Variants in EPHB1 observed in about 807,000 individuals in gnomAD.
EPHB1 encodes ephrin type-B receptor 1.
Under a neutral mutation model 94.4 loss-of-function variants are expected in EPHB1, and 30 were observed. That is an observed-to-expected ratio of 0.32 (90% CI 0.24 to 0.43). The LOEUF is 0.43. EPHB1 is among the 20% of genes least tolerant of loss of function. The probability of loss-of-function intolerance (pLI) is 1.00; values close to 1 mark genes in which losing one functional copy is unlikely to be tolerated. For missense variants in EPHB1, 1,055 were observed against 1,308.3 expected, an observed-to-expected ratio of 0.81 and a Z score of 2.99; for synonymous variants, 522 against 489.1, an observed-to-expected ratio of 1.07 and a Z score of -0.89.
At chr3:135,124,344 T>C (rs1392666809) in intron 4 of EPHB1, among the ~76,000 whole-genome samples, 1 of 151,776 alleles carries the variant, frequency 6.6e-6, no homozygotes, top group South Asian at 2.1e-4. Context: ...CAGAGCCCTA[T>C]GACTGCTGAT....
intron 1 of EPHB1, among the ~76,000 whole-genome samples, chr3:134,833,465 T>G (rs1474880181): frequency 6.6e-6 from 1 of 152,234 alleles, no homozygotes; most frequent in Non-Finnish European, 1.5e-5. Context: ...TATGGCGTGA[T>G]TGGTTCAGGA....
intron 3 of EPHB1, among the ~76,000 whole-genome samples, chr3:135,032,009 C>T (rs940321273): frequency 3.3e-5 from 5 of 151,960 alleles, no homozygotes; most frequent in South Asian, 2.1e-4. Context: ...TGATTTTCTT[C>T]GTTGGAAGCA....
chr3:134,921,219 G>A (rs988797501), intron 1 of EPHB1, among the ~76,000 whole-genome samples: 1 of 152,032 alleles, frequency 6.6e-6, no homozygotes, highest in African/African-American at 2.4e-5. Context: ...CCATCAGCTG[G>A]TTCTTGCCCC....
intron 1 of EPHB1, among the ~76,000 whole-genome samples, chr3:134,902,369 C>G (rs2038219938): frequency 6.6e-6 from 1 of 152,046 alleles, no homozygotes; most frequent in Admixed American, 6.6e-5. Context: ...AAGGTGCCAC[C>G]CAGTGAGATG....
At chr3:134,933,143 T>C (rs375129791) in intron 2 of EPHB1, among the ~76,000 whole-genome samples, 15 of 152,276 alleles carry the variant, frequency 9.9e-5, no homozygotes, top group South Asian at 4.2e-4. Flanking sequence ...CTCCCCACTC[T>C]CTTGTTTTAT....
At chr3:135,029,302 C>T (rs1412885011) in intron 3 of EPHB1, among the ~76,000 whole-genome samples, 1 of 151,908 alleles carries the variant, frequency 6.6e-6, no homozygotes, top group East Asian at 1.9e-4. Flanking sequence ...TTAGTTGATG[C>T]AGTTTCTTCC....
At chr3:135,182,543 A>G (rs1218989134) in intron 10 of EPHB1, among the ~76,000 whole-genome samples, 3 of 152,174 alleles carry the variant, frequency 2.0e-5, no homozygotes, top group African/African-American at 7.2e-5. Context: ...ACAGTTAATT[A>G]TTCCACACCA....
rs1275240644 is a variant in EPHB1, at chr3:135,259,063, G to T, written c.2898G>T (p.Leu966=). The T allele has an allele frequency of 1.2e-6, 2 of 1,610,930 alleles. No homozygotes were observed. Among genetic ancestry groups the T allele is most frequent in the South Asian group, 2.2e-5 (2 of 89,822 alleles). ...ITLAGHQKKI[L]NSIHSMRVQI... ...TGGCAGGCCATCAGAAGAAGATCCT[G>T]AACAGCATTCATTCTATGAGGGTCC... is the stretch of plus-strand genomic sequence containing the variant. The change falls in exon 16 of 16, where the codon CTG becomes CTT. Residue 966 remains leucine (L), a synonymous_variant. Transcript: ENST00000398015.
chr3:134,973,468 G>A (rs918045323), intron 3 of EPHB1, among the ~76,000 whole-genome samples: 9 of 119,302 alleles, frequency 7.5e-5, no homozygotes, highest in African/African-American at 1.4e-4. Flanking sequence ...TCTCACTCCC[G>A]TTGCTCAGGC....
intron 3 of EPHB1, among the ~76,000 whole-genome samples, chr3:135,049,655 G>A (rs1937109251): frequency 6.6e-6 from 1 of 152,220 alleles, no homozygotes; most frequent in Admixed American, 6.5e-5. Flanking sequence ...ACAGAACCCA[G>A]ATTTAAGAGA....
intron 3 of EPHB1, among the ~76,000 whole-genome samples, chr3:134,971,729 C>T (rs1933975414): frequency 6.6e-6 from 1 of 152,118 alleles, no homozygotes; most frequent in South Asian, 2.1e-4. Context: ...GTCAAACAGC[C>T]CTGCTCTTTG....
At chr3:134,917,921 C>T (rs2038606255) in intron 1 of EPHB1, among the ~76,000 whole-genome samples, 1 of 152,208 alleles carries the variant, frequency 6.6e-6, no homozygotes. Context: ...TCTGTTGACT[C>T]AGGGCAGGAA....
chr3:135,105,075 G>A (rs1222807435), intron 3 of EPHB1, among the ~76,000 whole-genome samples: 1 of 152,208 alleles, frequency 6.6e-6, no homozygotes, highest in East Asian at 1.9e-4. Flanking sequence ...ATAGAGTAAT[G>A]CATGGAAAGC....
At chr3:134,923,761 G>T (rs1450187009) in intron 1 of EPHB1, among the ~76,000 whole-genome samples, 1 of 152,104 alleles carries the variant, frequency 6.6e-6, no homozygotes, top group Non-Finnish European at 1.5e-5. Context: ...TTTATGACAG[G>T]GTTCTTCTAT....
intron 3 of EPHB1, among the ~76,000 whole-genome samples, chr3:135,080,845 A>G (rs1418978104): frequency 6.6e-6 from 1 of 152,222 alleles, no homozygotes; most frequent in Non-Finnish European, 1.5e-5. Context: ...CCCTTAGCGC[A>G]GTGCCCACCC....
At chr3:135,126,642 T>G (rs779679630) in intron 4 of EPHB1, among the ~76,000 whole-genome samples, 2 of 152,194 alleles carry the variant, frequency 1.3e-5, no homozygotes, top group South Asian at 2.1e-4. Flanking sequence ...AGGTGCAGAT[T>G]GGGGCAGGCA....
At chr3:134,819,888 C>A (rs975635324) in intron 1 of EPHB1, among the ~76,000 whole-genome samples, 39 of 152,186 alleles carry the variant, frequency 2.6e-4, no homozygotes, top group Non-Finnish European at 1.3e-4. Flanking sequence ...GTGGGCCCAG[C>A]GCAGGGGACA....
At chr3:134,921,174 T>G (rs1485823801) in intron 1 of EPHB1, among the ~76,000 whole-genome samples, 1 of 152,140 alleles carries the variant, frequency 6.6e-6, no homozygotes, top group Non-Finnish European at 1.5e-5. Context: ...TTTTTCTTAC[T>G]CTCCCATCTG....
In EPHB1 at chr3:134,825,504, T is replaced by C. The variant is rs138842531; in HGVS notation, c.58+29815T>C. ...AGTAATATCCCACAGGGGATGCTGC[T>C]TCTGTTGGACCCTCTTTGGGTACCA... On this transcript the variant is annotated intron_variant, in intron 1 of 15. Coordinates refer to ENST00000398015, the MANE Select transcript of EPHB1 (RefSeq NM_004441.5). 1.4e-3 allele frequency among the ~76,000 whole-genome samples: 216 copies of C among 152,342 alleles called. 3 individuals are homozygous for C. The East Asian group carries it at 0.032, about 23-fold the overall frequency.
Sources: gnomAD v4.1 joint callset for allele counts (sites outside exome capture counted in the v4.1 genomes callset) on GRCh38, gnomAD v4.1.1 for gene constraint, MANE v1.5 for transcripts, NCBI Gene and HGNC (gene_info 2026-07-23, HGNC 2026-07-21) for gene names.